AGBL4: variants seen among roughly 807,000 people sequenced by gnomAD.
AGBL4 encodes cytosolic carboxypeptidase 6.
Under a neutral mutation model 66.4 loss-of-function variants are expected in AGBL4, and 58 were observed. The observed-to-expected ratio is 0.87, with a 90% confidence interval of 0.71 to 1.09. The LOEUF (loss-of-function observed/expected upper bound fraction) is 1.09, where lower values mean the gene tolerates loss of function less well. Ranked by LOEUF, AGBL4 falls within the 50% of genes least tolerant of loss-of-function variation. The probability of loss-of-function intolerance (pLI) is 0.00; values close to 1 mark genes in which losing one functional copy is unlikely to be tolerated. For missense variants in AGBL4, 579 were observed against 631.0 expected (o/e 0.92, Z 0.88); for synonymous variants, 234 against 222.9 (o/e 1.05, Z -0.44).
intron 4 of AGBL4, among the ~76,000 whole-genome samples, chr1:49,208,911 C>T (rs1328565226): frequency 6.6e-6 from 1 of 151,936 alleles, no homozygotes; most frequent in Non-Finnish European, 1.5e-5. Context: ...AAACAACACA[C>T]CACCCAAACC....
intron 3 of AGBL4, among the ~76,000 whole-genome samples, chr1:49,594,496 T>C (rs1468637091): frequency 2.0e-5 from 3 of 152,168 alleles, no homozygotes; most frequent in African/African-American, 7.2e-5. Flanking sequence ...ATATTTGTCC[T>C]AATCTCTCCC....
chr1:49,687,502 C>T (rs891819341), intron 3 of AGBL4, among the ~76,000 whole-genome samples: 32 of 152,168 alleles, frequency 2.1e-4, no homozygotes, highest in South Asian at 8.3e-4. Flanking sequence ...CAGAGCACAA[C>T]GGTTCATGTC....
chr1:49,660,749 C>A (rs1170523686), intron 3 of AGBL4, among the ~76,000 whole-genome samples: 1 of 152,156 alleles, frequency 6.6e-6, no homozygotes, highest in Non-Finnish European at 1.5e-5. Flanking sequence ...GGTGCATATA[C>A]ACCATGGAAT....
chr1:48,624,837 A>T (rs950084746), intron 9 of AGBL4, among the ~76,000 whole-genome samples: 1 of 151,678 alleles, frequency 6.6e-6, no homozygotes, highest in African/African-American at 2.4e-5. Context: ...TTTTTTCTCC[A>T]CTTTACTCAG....
chr1:49,523,583 G>A lies in AGBL4; in HGVS notation c.282+173730C>T, dbSNP rs1650430275. 2.0e-5 allele frequency among the ~76,000 whole-genome samples: 3 copies of A among 152,002 alleles called. No homozygotes were observed. The South Asian group carries it at 6.2e-4, about 32-fold the overall frequency. On this transcript the variant is annotated intron_variant, in intron 3 of 13. Transcript: ENST00000371839. Reference sequence around the variant, plus strand: ...CCATAACTTTAAGTACATAATAACTGGGAGGTGAAGACAAGGAAAAGGAAG... The same window carrying A: ...CCATAACTTTAAGTACATAATAACTAGGAGGTGAAGACAAGGAAAAGGAAG...
chr1:48,714,974 G>A (rs538646531), intron 6 of AGBL4, among the ~76,000 whole-genome samples: 1 of 152,344 alleles, frequency 6.6e-6, no homozygotes, highest in South Asian at 2.1e-4. Context: ...GAATGAGACA[G>A]TATTCAGATA....
At chr1:49,720,027 C>T (rs1245426211) in intron 2 of AGBL4, among the ~76,000 whole-genome samples, 1 of 152,140 alleles carries the variant, frequency 6.6e-6, no homozygotes, top group Admixed American at 6.6e-5. Flanking sequence ...TTATTAGCAG[C>T]ATAAGAATGG....
chr1:49,221,226 T>C (rs772335551), intron 4 of AGBL4, among the ~76,000 whole-genome samples: 1 of 152,166 alleles, frequency 6.6e-6, no homozygotes, highest in Non-Finnish European at 1.5e-5. Flanking sequence ...AACAAAAGAA[T>C]CAATCAATCA....
intron 6 of AGBL4, among the ~76,000 whole-genome samples, chr1:48,842,399 G>C (rs1646825191): frequency 6.6e-6 from 1 of 152,094 alleles, no homozygotes; most frequent in Admixed American, 6.6e-5. Context: ...AATTAACATT[G>C]ATCAGGACTT....
chr1:50,001,497 A>G (rs1014537519), intron 1 of AGBL4, among the ~76,000 whole-genome samples: 9 of 132,338 alleles, frequency 6.8e-5, no homozygotes, highest in Non-Finnish European at 1.5e-4. Flanking sequence ...ATATATATGT[A>G]TGTGTGTGTG....
At chr1:49,593,133 G>A (rs1644783660) in intron 3 of AGBL4, among the ~76,000 whole-genome samples, 1 of 152,176 alleles carries the variant, frequency 6.6e-6, no homozygotes, top group South Asian at 2.1e-4. Flanking sequence ...ACTAGGCTGG[G>A]CGCGGTGTCT....
chr1:48,652,116 C>T (rs997993767), intron 8 of AGBL4, among the ~76,000 whole-genome samples: 5 of 152,214 alleles, frequency 3.3e-5, no homozygotes, highest in African/African-American at 7.2e-5. Flanking sequence ...GTGGGAGGAT[C>T]GCTTGAATCC....
At chr1:48,946,412 G>A (rs1462913493) in intron 5 of AGBL4, among the ~76,000 whole-genome samples, 1 of 152,226 alleles carries the variant, frequency 6.6e-6, no homozygotes, top group Non-Finnish European at 1.5e-5. Context: ...GATCGATAAT[G>A]AGGGTGTAGG....
At chr1:49,841,346 G>A (rs1645983744) in intron 2 of AGBL4, among the ~76,000 whole-genome samples, 1 of 152,146 alleles carries the variant, frequency 6.6e-6, no homozygotes, top group South Asian at 2.1e-4. Flanking sequence ...AATCAGAGAT[G>A]ACACAAATAA....
At chr1:49,435,368 G>C (rs972733526) in intron 3 of AGBL4, among the ~76,000 whole-genome samples, 2 of 152,184 alleles carry the variant, frequency 1.3e-5, no homozygotes, top group Non-Finnish European at 2.9e-5. Flanking sequence ...GATAAGAGCT[G>C]TAAGAGCAGA....
intron 3 of AGBL4, among the ~76,000 whole-genome samples, chr1:49,457,368 T>C (rs1256505263): frequency 6.6e-6 from 1 of 151,838 alleles, no homozygotes; most frequent in Non-Finnish European, 1.5e-5. Flanking sequence ...CATTTGTATA[T>C]CTTCTTTTGA....
intron 3 of AGBL4, among the ~76,000 whole-genome samples, chr1:49,247,197 C>CA (rs1275613714): frequency 6.6e-6 from 1 of 151,870 alleles, no homozygotes; most frequent in Non-Finnish European, 1.5e-5. Flanking sequence ...TTTCCAAGGG[C>CA]AAAAAATAAA....
chr1:49,822,251 C>T (rs1645388766), intron 2 of AGBL4, among the ~76,000 whole-genome samples: 1 of 151,948 alleles, frequency 6.6e-6, no homozygotes. Context: ...GGGTCAACAA[C>T]AAAACTTTAA....
intron 3 of AGBL4, among the ~76,000 whole-genome samples, chr1:49,579,672 T>G (rs900825052): frequency 2.0e-5 from 3 of 152,130 alleles, no homozygotes; most frequent in African/African-American, 4.8e-5. Context: ...GCTAATTTTT[T>G]GTATTTTTAG....
Sources: allele counts gnomAD v4.1 joint callset (sites outside exome capture counted in the v4.1 genomes callset), GRCh38; gene constraint gnomAD v4.1.1; transcripts MANE v1.5; gene names NCBI Gene and HGNC (gene_info 2026-07-23, HGNC 2026-07-21).